The following HEATR6 variants were observed in gnomAD, a reference collection of about 807,000 sequenced individuals.
The protein encoded by HEATR6 is HEAT repeat containing 6.
HEATR6 carries 106 observed loss-of-function variants against 132.8 expected under a neutral mutation model. The ratio of observed to expected loss-of-function variants is 0.80; its 90% CI spans 0.68 to 0.94. The LOEUF (loss-of-function observed/expected upper bound fraction) is 0.94. Ranked by LOEUF, HEATR6 falls within the 40% of genes least tolerant of loss-of-function variation. The pLI, the probability that HEATR6 is intolerant of heterozygous loss-of-function variation, is 0.00. For synonymous variants in HEATR6, 529 were observed against 537.8 expected (o/e 0.98, Z 0.23); for missense variants, 1,339 against 1,425.1 (o/e 0.94, Z 0.97).
chr17:60,067,686 C>T lies in HEATR6; in HGVS notation c.986G>A (p.Gly329Glu). The change falls in exon 8 of 20, where the codon GGA (glycine) becomes GAA (glutamate). Residue 329 changes from glycine (G) to glutamate (E), a missense_variant. Physicochemically the swap from Gly to Glu is moderately conservative, Grantham distance 98. Transcript: ENST00000184956. ...ACTGGATTCCTTTTCCTCCTCCTCT[C>T]CTTGCTGGATTTTCTTTGGTTTTAC... The part of the protein sequence containing the change: ...SKVKPKKIQQ[G>E]EEEEKESSGE... 6.2e-7 allele frequency: 1 copy of T among 1,613,064 alleles called. No homozygotes were observed. The highest frequency in any genetic ancestry group is 2.2e-5 in the East Asian group (1 of 44,722).
intron 17 of HEATR6, 115 bp downstream of exon 17, chr17:60,048,149 C>G (rs1172991549): frequency 5.8e-6 from 6 of 1,034,038 alleles, no homozygotes; most frequent in Non-Finnish European, 8.1e-6. Context: ...AGCAGGAAGA[C>G]TGACTGCATA....
At chr17:60,074,841 A>G (rs561218266) in intron 2 of HEATR6, among the ~76,000 whole-genome samples, 1 of 152,334 alleles carries the variant, frequency 6.6e-6, no homozygotes, top group African/African-American at 2.4e-5. Context: ...AATGTGCAAG[A>G]CAGCCCCTAA....
At chr17:60,067,131 G>A (rs1228171954) in intron 8 of HEATR6, among the ~76,000 whole-genome samples, 1 of 150,982 alleles carries the variant, frequency 6.6e-6, no homozygotes, top group Non-Finnish European at 1.5e-5. Context: ...TTAGCCGGGC[G>A]TAGTGGCGGG....
rs769955398 is a variant in HEATR6 at position 60,056,250 on chromosome 17, C to G, written c.2080-13G>C. 11 of 1,611,300 alleles carry G rather than the reference C, an allele frequency of 6.8e-6. No homozygotes were observed. In the East Asian group the frequency reaches 2.5e-4, roughly 36 times the overall value. On this transcript the variant is annotated splice_polypyrimidine_tract_variant and intron_variant, in intron 12 of 19. Transcript: ENST00000184956. ...GAAGAGTCAATACCTGCAAAGAGAGCATGGAATTAACCCTCTAAGACCTGA... is the reference window on the plus strand; with the variant it reads ...GAAGAGTCAATACCTGCAAAGAGAGGATGGAATTAACCCTCTAAGACCTGA...
intron 19 of HEATR6, among the ~76,000 whole-genome samples, chr17:60,045,085 G>A (rs1187847444): frequency 6.6e-6 from 1 of 152,182 alleles, no homozygotes; most frequent in Non-Finnish European, 1.5e-5. Context: ...GGCCATACAG[G>A]AAGGCTGGTA....
intron 16 of HEATR6, among the ~76,000 whole-genome samples, chr17:60,049,002 A>AT (rs1906482507): frequency 7.6e-6 from 1 of 131,678 alleles, no homozygotes; most frequent in Non-Finnish European, 1.6e-5. Context: ...ATATATATAT[A>AT]TATATATATA....
At chr17:60,076,302 G>A in intron 1 of HEATR6, 65 bp from the exon 2 acceptor site, 4 of 783,646 alleles carry the variant, frequency 5.1e-6, no homozygotes, top group Admixed American at 2.5e-5. Flanking sequence ...TCAAAACACA[G>A]CCAAATGGGA....
chr17:60,072,145 T>C (rs2083272371), intron 5 of HEATR6, 70 bp downstream of exon 5: 2 of 662,548 alleles, frequency 3.0e-6, no homozygotes, highest in Non-Finnish European at 4.9e-6. Context: ...TTAAACTCGT[T>C]AGTAACACTT....
chr17:60,046,596 G>A (rs145826619), intron 18 of HEATR6, among the ~76,000 whole-genome samples: 3 of 152,170 alleles, frequency 2.0e-5, no homozygotes, highest in Admixed American at 2.0e-4. Flanking sequence ...TACTAGACTA[G>A]AGTCTCAACC....
chr17:60,047,335 T>C lies in HEATR6; in HGVS notation c.2743A>G (p.Ile915Val), dbSNP rs142050052. ...LLLLKMLRSA[I>V]EASKDKDKVK... The stretch of plus-strand genomic sequence containing the variant: ...TTGTCTTTATCCTTGGATGCTTCTA[T>C]AGCTGATCGTAACATTTTCAAGAGC... Residue 915 changes from isoleucine (I) to valine (V), a missense_variant, in exon 18 of 20, where the codon ATA becomes GTA. Ile to Val is a conservative substitution (Grantham distance 29). Coordinates refer to ENST00000184956, the MANE Select transcript of HEATR6 (RefSeq NM_022070.5). 38 of 1,612,680 alleles carry C rather than the reference T, an allele frequency of 2.4e-5. No homozygotes were observed. The highest frequency in any genetic ancestry group is 3.1e-5 in the Non-Finnish European group (37 of 1,179,202).
chr17:60,073,477 G>C lies in HEATR6; in HGVS notation c.469-198C>G, dbSNP rs184301010. ...ATGATCATTACTCCCAGCCTAGGTA[G>C]CTGCTGATGCTCTTTAGTGTGGCCG... On this transcript the variant is annotated intron_variant, in intron 3 of 19. Coordinates refer to ENST00000184956, the MANE Select transcript of HEATR6 (RefSeq NM_022070.5). Among the ~76,000 whole-genome samples, 331 of 152,292 alleles carry C rather than the reference G, an allele frequency of 2.2e-3. 5 individuals carry two copies. Among genetic ancestry groups the C allele is most frequent in the Admixed American group, 0.02 (299 of 15,300 alleles).
chr17:60,073,357 C>CT, intron 3 of HEATR6, 78 bp from the exon 4 acceptor site: 2 of 838,706 alleles, frequency 2.4e-6, no homozygotes, highest in Admixed American at 2.3e-5. Flanking sequence ...TTTCTTCTTT[C>CT]TTTTTTTAAC....
At position 60,043,682 on chromosome 17, in the gene HEATR6, G is replaced by A. The variant is rs1906261796; in HGVS notation, c.3427C>T (p.Gln1143Ter). ...CTGGCTGTGTCTCCAGTTGGTGCCT[G>A]GATGCTGCCCATGTGTTTAAGGGCC... ...RMALKHMGSI[Q>*]APTGDTARRA... Residue 1143 changes from glutamine (Q) to a stop codon, truncating the protein, a stop_gained, in exon 20 of 20, where the codon CAG (glutamine) becomes TAG (stop). Coordinates refer to ENST00000184956, the MANE Select transcript of HEATR6 (RefSeq NM_022070.5). LOFTEE classifies it high-confidence loss of function. 6.2e-7 allele frequency: 1 copy of A among 1,614,038 alleles called. No individual in the cohort carries two copies. The highest frequency in any genetic ancestry group is 1.3e-5 in the African/African-American group (1 of 74,906).
Position 60,057,191 on chromosome 17 carries a change from C to T in HEATR6, c.1936G>A (p.Gly646Arg), listed in dbSNP as rs377636666. Residue 646 changes from glycine to arginine, a missense_variant, in exon 12 of 20, where the codon GGG (glycine) becomes AGG (arginine). Physicochemically the swap from Gly to Arg is moderately radical, Grantham distance 125. Transcript: ENST00000184956. ...LEETSVSSPK[G>R]SSEPCWLIRL... ...ATGAGCCAGCAGGGCTCTGAAGACC[C>T]CTTAGGTGAGCTAACTGACGTTTCT... 6.2e-7 allele frequency: 1 copy of T among 1,614,116 alleles called. No homozygotes were observed. The highest frequency in any genetic ancestry group is 1.1e-5 in the South Asian group (1 of 91,076).
chr17:60,049,813 C>A, intron 15 of HEATR6, 111 bp from the exon 16 acceptor site: 1 of 1,218,698 alleles, frequency 8.2e-7, no homozygotes, highest in Non-Finnish European at 1.2e-6. Flanking sequence ...AGGAGTTGAA[C>A]ACCATTGCGA....
At chr17:60,045,744 A>C (rs1235297542) in intron 19 of HEATR6, among the ~76,000 whole-genome samples, 1 of 152,226 alleles carries the variant, frequency 6.6e-6, no homozygotes, top group Non-Finnish European at 1.5e-5. Context: ...CATTCTGTAG[A>C]AATTATTTAA....
intron 6 of HEATR6, among the ~76,000 whole-genome samples, 189 bp from the exon 7 acceptor site, chr17:60,070,037 G>A (rs2083262958): frequency 6.6e-6 from 1 of 152,198 alleles, no homozygotes; most frequent in Non-Finnish European, 1.5e-5. Context: ...AGGGCTTAAA[G>A]AAGAGCTGAA....
chr17:60,069,788 T>C lies in HEATR6; in HGVS notation c.862A>G (p.Thr288Ala), dbSNP rs1180287727. ...NIEMPTVLYP[T>A]PLPQYDGRTP... ...CGCCCATCATACTGAGGAAGCGGAG[T>C]TGGGTATAACACCGTGGGCATCTCT... The change falls in exon 7 of 20, where the codon ACT (threonine) becomes GCT (alanine). Residue 288 changes from threonine (T) to alanine (A), a missense_variant. By Grantham distance (58) the Thr-to-Ala change is moderately conservative (BLOSUM62 0). Transcript: ENST00000184956. 2 of 1,613,964 alleles carry C rather than the reference T, an allele frequency of 1.2e-6. No individual in the cohort carries two copies. Among genetic ancestry groups the C allele is most frequent in the East Asian group, 2.2e-5 (1 of 44,872 alleles).
chr17:60,065,364 C>A (rs1369625359), intron 9 of HEATR6, among the ~76,000 whole-genome samples: 1 of 152,190 alleles, frequency 6.6e-6, no homozygotes, highest in African/African-American at 2.4e-5. Context: ...TGGGTTACCA[C>A]CCCTGACCCC....
Sources: allele counts gnomAD v4.1 joint callset (sites outside exome capture counted in the v4.1 genomes callset), GRCh38; gene constraint gnomAD v4.1.1; transcripts MANE v1.5; gene names NCBI Gene and HGNC (gene_info 2026-07-23, HGNC 2026-07-21).